COL4A2: variants seen among roughly 807,000 people sequenced by gnomAD.
COL4A2 encodes the protein collagen type IV alpha 2 chain.
Under a neutral mutation model 200.2 loss-of-function variants are expected in COL4A2, and 99 were observed. The ratio of observed to expected loss-of-function variants is 0.49; its 90% CI spans 0.42 to 0.58. The LOEUF (loss-of-function observed/expected upper bound fraction) is 0.58. Among genes scored for constraint, COL4A2 ranks in the 20% least tolerant of loss-of-function variants. The probability of loss-of-function intolerance (pLI) is 0.00; values close to 1 mark genes in which losing one functional copy is unlikely to be tolerated. For missense variants in COL4A2, 1,950 were observed against 2,314.1 expected, an observed-to-expected ratio of 0.84 and a Z score of 3.23; for synonymous variants, 897 against 900.6, an observed-to-expected ratio of 1.00 and a Z score of 0.07.
intron 40 of COL4A2, among the ~76,000 whole-genome samples, chr13:110,497,809 C>T (rs12874169): frequency 0.22 from 15,241 of 70,232 alleles, 141 homozygotes; most frequent in Non-Finnish European, 0.27. Flanking sequence ...GGGGTCAGTC[C>T]AGCAGCACAG....
intron 24 of COL4A2, chr13:110,463,083 C>T: frequency 6.5e-6 from 1 of 154,674 alleles, no homozygotes; most frequent in Middle Eastern, 5.2e-4. Context: ...ACAGACTGGG[C>T]AGCTTAGACA....
At chr13:110,355,871 T>TGTG in intron 3 of COL4A2, among the ~76,000 whole-genome samples, 2 of 140,316 alleles carry the variant, frequency 1.4e-5, no homozygotes, top group Non-Finnish European at 3.1e-5. Context: ...CTCACCTGTG[T>TGTG]GGGGGCTGAG....
intron 4 of COL4A2, among the ~76,000 whole-genome samples, chr13:110,383,179 T>C (rs994484499): frequency 6.6e-6 from 1 of 152,264 alleles, no homozygotes; most frequent in Non-Finnish European, 1.5e-5. Flanking sequence ...GTATCCACGC[T>C]AGGATGTGGC....
intron 3 of COL4A2, among the ~76,000 whole-genome samples, chr13:110,331,528 T>A (rs777199980): frequency 6.6e-6 from 1 of 151,690 alleles, no homozygotes; most frequent in Admixed American, 6.6e-5. Context: ...TGCTGAGAGG[T>A]GGGAAAGGAG....
intron 3 of COL4A2, among the ~76,000 whole-genome samples, chr13:110,320,990 C>T (rs1885259806): frequency 6.6e-6 from 1 of 152,036 alleles, no homozygotes. Flanking sequence ...TACCTTAGAT[C>T]TTTATTCTTT....
chr13:110,470,343 T>C (rs1395159965), intron 28 of COL4A2, among the ~76,000 whole-genome samples: 1 of 152,136 alleles, frequency 6.6e-6, no homozygotes, highest in Non-Finnish European at 1.5e-5. Flanking sequence ...GGAGTCCCAC[T>C]TGTCACCTAG....
At position 110,480,373 on chromosome 13, in the gene COL4A2, G is replaced by C. The variant is rs1464531805; in HGVS notation, c.2741G>C (p.Gly914Ala). The C allele has an allele frequency of 6.2e-7, 1 of 1,611,958 alleles. No homozygotes were observed. Among genetic ancestry groups the C allele is most frequent in the Non-Finnish European group, 8.5e-7 (1 of 1,179,204 alleles). ...TTTAAAGGAATTGATGGAATGCCTG[G>C]GACCCCCGGGCTAAAAGGTAATTGT... Reference protein sequence around the residue: ...PGFKGIDGMPGTPGLKGDRGS... With the variant: ...PGFKGIDGMPATPGLKGDRGS... The change falls in exon 31 of 48, where the codon GGG (glycine) becomes GCG (alanine). Residue 914 changes from glycine (G) to alanine (A), a missense_variant. Transcript: ENST00000360467.
intron 37 of COL4A2, 28 bp from the exon 38 acceptor site, chr13:110,492,042 T>G (rs1883301754): frequency 1.3e-6 from 2 of 1,541,534 alleles, no homozygotes; most frequent in Non-Finnish European, 1.8e-6. Flanking sequence ...TCCTGTGTGC[T>G]CAGACTTAAT....
At chr13:110,385,407 GTGTGTGGATAGA>G (rs2139415413) in intron 4 of COL4A2, among the ~76,000 whole-genome samples, 1 of 99,306 alleles carries the variant, frequency 1.0e-5, no homozygotes, top group Admixed American at 9.7e-5. Flanking sequence ...GGAGGTTACA[GTGTGTGGATAGA>G]CTGTGGTTAC....
chr13:110,317,488 T>C (rs1298930560), intron 3 of COL4A2, among the ~76,000 whole-genome samples: 2 of 152,182 alleles, frequency 1.3e-5, no homozygotes, highest in Non-Finnish European at 2.9e-5. Flanking sequence ...CTGGGGAGCA[T>C]CAAACAGACC....
At chr13:110,333,451 G>T in intron 3 of COL4A2, among the ~76,000 whole-genome samples, 1 of 152,186 alleles carries the variant, frequency 6.6e-6, no homozygotes, top group East Asian at 1.9e-4. Context: ...CTATCTGTGA[G>T]GTGTGTTCTG....
At chr13:110,324,683 GTGAGCA>G (rs1311832546) in intron 3 of COL4A2, among the ~76,000 whole-genome samples, 1 of 152,222 alleles carries the variant, frequency 6.6e-6, no homozygotes, top group Non-Finnish European at 1.5e-5. Context: ...GGGTGCCACA[GTGAGCA>G]GCAGGTCCTA....
At chr13:110,332,014 T>A (rs1229522725) in intron 3 of COL4A2, among the ~76,000 whole-genome samples, 1 of 152,254 alleles carries the variant, frequency 6.6e-6, no homozygotes, top group Non-Finnish European at 1.5e-5. Context: ...CAATTTTTTA[T>A]GGTTAGTGTT....
At chr13:110,421,505 T>C (rs1391353370) in intron 4 of COL4A2, among the ~76,000 whole-genome samples, 1 of 152,164 alleles carries the variant, frequency 6.6e-6, no homozygotes, top group Admixed American at 6.5e-5. Context: ...ACTGATTCTA[T>C]TTATTGGTAA....
At chr13:110,379,943 T>G (rs1878395697) in intron 4 of COL4A2, among the ~76,000 whole-genome samples, 1 of 152,060 alleles carries the variant, frequency 6.6e-6, no homozygotes, top group South Asian at 2.1e-4. Context: ...CTCCACCTTC[T>G]CCAGCCCCTC....
intron 22 of COL4A2, 148 bp from the exon 23 acceptor site, chr13:110,461,966 C>A: frequency 8.7e-7 from 1 of 1,155,468 alleles, no homozygotes; most frequent in Non-Finnish European, 1.2e-6. Context: ...GCGTATCCAG[C>A]ATCGCAGAAA....
At position 110,491,357 on chromosome 13, in the gene COL4A2, CCA is replaced by C; in HGVS notation, c.3454+22_3454+23del. ...GACAAACAGGTAAAATCTCCCGCAG[CCA>C]CACAGCCTTCCTCAGGCAGGCCCTC... On this transcript the variant is annotated intron_variant, in intron 37 of 47. Transcript: ENST00000360467. The C allele has an allele frequency of 6.6e-7, 1 of 1,517,906 alleles. No individual in the cohort carries two copies. Among genetic ancestry groups the C allele is most frequent in the Non-Finnish European group, 9.0e-7 (1 of 1,111,276 alleles). 94.0% of individuals were successfully genotyped at this position (1,517,906 alleles called of 1,614,324 possible).
At chr13:110,402,902 G>A (rs756443189) in intron 4 of COL4A2, among the ~76,000 whole-genome samples, 1 of 152,180 alleles carries the variant, frequency 6.6e-6, no homozygotes, top group Non-Finnish European at 1.5e-5. Context: ...TGGAGGTCAC[G>A]AAGGCTTCCT....
chr13:110,333,926 T>G (rs980525563), intron 3 of COL4A2, among the ~76,000 whole-genome samples: 4 of 152,222 alleles, frequency 2.6e-5, no homozygotes, highest in African/African-American at 9.6e-5. Context: ...GGAACTAATG[T>G]CATCCTCATC....
Sources: gnomAD v4.1 joint callset for allele counts (sites outside exome capture counted in the v4.1 genomes callset) on GRCh38, gnomAD v4.1.1 for gene constraint, MANE v1.5 for transcripts, NCBI Gene and HGNC (gene_info 2026-07-23, HGNC 2026-07-21) for gene names.